The following TTC28 variants were observed in gnomAD, a reference collection of about 807,000 sequenced individuals.
TTC28 encodes the protein tetratricopeptide repeat domain 28.
A neutral mutation model predicts 198.0 loss-of-function variants in TTC28; 61 were observed. The observed-to-expected ratio is 0.31, with a 90% CI of 0.25 to 0.38. TTC28 has a LOEUF of 0.38. Ranked by LOEUF, TTC28 falls within the 10% of genes least tolerant of loss-of-function variation. The pLI, the probability that TTC28 is intolerant of heterozygous loss-of-function variation, is 1.00. For missense variants in TTC28, 2,678 were observed against 3,164.0 expected (o/e 0.85, Z 3.69); for synonymous variants, 1,171 against 1,297.8 (o/e 0.90, Z 2.10).
intron 6 of TTC28, among the ~76,000 whole-genome samples, chr22:28,145,189 T>A (rs1412108067): frequency 6.6e-6 from 1 of 152,198 alleles, no homozygotes; most frequent in Non-Finnish European, 1.5e-5. Context: ...ACGGCTCTAG[T>A]CATTAAAGCG....
intron 5 of TTC28, among the ~76,000 whole-genome samples, chr22:28,214,561 G>GCAAATCAAAACCA (rs1457815682): frequency 6.6e-6 from 1 of 152,122 alleles, no homozygotes; most frequent in Non-Finnish European, 1.5e-5. Context: ...TCAAAGAAAT[G>GCAAATCAAAACCA]CAAATCAAAA....
chr22:28,163,479 A>T lies in TTC28; in HGVS notation c.1054T>A (p.Ser352Thr). 1 of 1,551,766 alleles carries T rather than the reference A, an allele frequency of 6.4e-7. No homozygotes were observed. The highest frequency in any genetic ancestry group is 8.7e-7 in the Non-Finnish European group (1 of 1,147,004). Residue 352 changes from serine (S) to threonine (T), a missense_variant, in exon 6 of 23, where the codon TCT (serine) becomes ACT (threonine). Physicochemically the swap from Ser to Thr is moderately conservative, Grantham distance 58. Transcript: ENST00000397906. ...LLAKQSKDEL[S>T]EARELGNMGA... Reference sequence around the variant, plus strand: ...ATGTTGCCAAGTTCTCGGGCTTCAGAAAGTTCATCTTTGGATTGCTTGGCA... The same window carrying T: ...ATGTTGCCAAGTTCTCGGGCTTCAGTAAGTTCATCTTTGGATTGCTTGGCA...
intron 5 of TTC28, among the ~76,000 whole-genome samples, chr22:28,166,840 G>A (rs1414703425): frequency 2.0e-5 from 3 of 152,188 alleles, no homozygotes; most frequent in Admixed American, 6.5e-5. Context: ...AACTGAAGGA[G>A]ATAGAGACAC....
chr22:28,325,801 T>A (rs2045520416), intron 2 of TTC28, among the ~76,000 whole-genome samples: 1 of 152,118 alleles, frequency 6.6e-6, no homozygotes, highest in South Asian at 2.1e-4. Context: ...TACCACTATA[T>A]ACCTATTAGA....
At chr22:28,466,820 T>TACACACACACACACAC (rs58512456) in intron 2 of TTC28, among the ~76,000 whole-genome samples, 8 of 143,802 alleles carry the variant, frequency 5.6e-5, no homozygotes, top group East Asian at 2.1e-4. Flanking sequence ...TATACATACA[T>TACACACACACACACAC]ACACACACAC....
chr22:28,192,337 G>A (rs113590026), intron 5 of TTC28, among the ~76,000 whole-genome samples: 10,455 of 151,824 alleles, frequency 0.069, 380 homozygotes, highest in Non-Finnish European at 0.081. Flanking sequence ...CAAAGATGGG[G>A]AAAAAAAAGA....
intron 5 of TTC28, among the ~76,000 whole-genome samples, chr22:28,166,906 A>G (rs923207613): frequency 6.6e-6 from 1 of 152,234 alleles, no homozygotes; most frequent in Admixed American, 6.5e-5. Flanking sequence ...AAAGATCAAC[A>G]AAATTGATGG....
chr22:28,063,391 C>A (rs1940626684), intron 12 of TTC28, among the ~76,000 whole-genome samples: 1 of 152,154 alleles, frequency 6.6e-6, no homozygotes, highest in African/African-American at 2.4e-5. Context: ...ATGTTCAGAC[C>A]TTAGGCTAAA....
chr22:28,601,540 G>T (rs1225493061), intron 2 of TTC28, among the ~76,000 whole-genome samples: 1 of 152,116 alleles, frequency 6.6e-6, no homozygotes, highest in Non-Finnish European at 1.5e-5. Flanking sequence ...GTCTAGAGAT[G>T]ATTTAAAGTT....
intron 2 of TTC28, among the ~76,000 whole-genome samples, chr22:28,437,007 C>T (rs1397471196): frequency 6.6e-6 from 1 of 152,238 alleles, no homozygotes; most frequent in Non-Finnish European, 1.5e-5. Flanking sequence ...CTAAGAATCC[C>T]TTTGACCTTT....
At chr22:28,552,647 A>T (rs577361520) in intron 2 of TTC28, among the ~76,000 whole-genome samples, 2 of 152,324 alleles carry the variant, frequency 1.3e-5, no homozygotes, top group African/African-American at 4.8e-5. Flanking sequence ...CCTATTCAAC[A>T]AAAGGTGCTG....
intron 5 of TTC28, among the ~76,000 whole-genome samples, chr22:28,190,875 T>C (rs1424044551): frequency 1.3e-5 from 2 of 152,126 alleles, no homozygotes; most frequent in African/African-American, 2.4e-5. Context: ...CTGGGCCTCT[T>C]TTTCTCTCAC....
At chr22:28,622,977 A>T (rs2051024108) in intron 2 of TTC28, among the ~76,000 whole-genome samples, 1 of 152,004 alleles carries the variant, frequency 6.6e-6, no homozygotes, top group Admixed American at 6.6e-5. Context: ...GCCTGCCACC[A>T]CACCGAGCTA....
chr22:28,217,212 C>T (rs1028553220), intron 5 of TTC28, among the ~76,000 whole-genome samples: 2 of 152,142 alleles, frequency 1.3e-5, no homozygotes, highest in African/African-American at 2.4e-5. Context: ...AAGATACACA[C>T]TGCATATCAA....
At chr22:28,384,176 G>A (rs886497911) in intron 2 of TTC28, among the ~76,000 whole-genome samples, 2 of 151,876 alleles carry the variant, frequency 1.3e-5, no homozygotes, top group Admixed American at 6.6e-5. Flanking sequence ...ACACCTTTAT[G>A]TTCTATCCAA....
intron 6 of TTC28, among the ~76,000 whole-genome samples, chr22:28,145,059 G>A (rs577703009): frequency 1.3e-5 from 2 of 152,252 alleles, no homozygotes; most frequent in East Asian, 3.9e-4. Flanking sequence ...CAGTTCCTGT[G>A]GCATCACAGA....
At chr22:28,129,654 C>A (rs1943008585) in intron 6 of TTC28, among the ~76,000 whole-genome samples, 1 of 152,180 alleles carries the variant, frequency 6.6e-6, no homozygotes, top group Non-Finnish European at 1.5e-5. Context: ...ACAGTGTAGA[C>A]TTAAAGAGCA....
chr22:28,105,134 T>C (rs1942257619), intron 8 of TTC28, 145 bp downstream of exon 8: 3 of 820,782 alleles, frequency 3.7e-6, no homozygotes, highest in Middle Eastern at 2.8e-4. Flanking sequence ...GATTCTGGAG[T>C]TGAACTGACA....
In TTC28 at chr22:28,268,302, C is replaced by T. The variant is rs145365500; in HGVS notation, c.933+27896G>A. Among the ~76,000 whole-genome samples the T allele has an allele frequency of 4.4e-3, 671 of 152,238 alleles. 4 individuals carry two copies. Among genetic ancestry groups the T allele is most frequent in the Non-Finnish European group, 6.4e-3 (435 of 68,024 alleles). On this transcript the variant is annotated intron_variant, in intron 5 of 22. Coordinates refer to ENST00000397906, the MANE Select transcript of TTC28 (RefSeq NM_001145418.2). ...TGCAGAGAAATGTGATCCAAAGTAC[C>T]GCCTGCAGTGGGCACAGGAAAGGAG...
Sources: gnomAD v4.1 joint callset for allele counts (sites outside exome capture counted in the v4.1 genomes callset) on GRCh38, gnomAD v4.1.1 for gene constraint, MANE v1.5 for transcripts, NCBI Gene and HGNC (gene_info 2026-07-23, HGNC 2026-07-21) for gene names.